The following MAMDC4 variants were observed in gnomAD, a reference collection of about 807,000 sequenced individuals.
The protein encoded by MAMDC4 is MAM domain containing 4.
In MAMDC4, 168 loss-of-function variants were observed where a neutral mutation model predicts 153.3. The ratio of observed to expected loss-of-function variants is 1.10; its 90% CI spans 0.97 to 1.25. The LOEUF (loss-of-function observed/expected upper bound fraction) is 1.25. Among genes scored for constraint, MAMDC4 ranks in the 50% most tolerant of loss-of-function variants. MAMDC4 has a pLI of 0.00. For synonymous variants in MAMDC4, 744 were observed against 651.5 expected (o/e 1.14, Z -2.16); for missense variants, 1,701 against 1,542.8 (o/e 1.10, Z -1.72).
chr9:136,860,242 G>C (rs532565882), intron 26 of MAMDC4, among the ~76,000 whole-genome samples, 178 bp downstream of exon 26: 2 of 152,262 alleles, frequency 1.3e-5, no homozygotes, highest in East Asian at 1.9e-4. Flanking sequence ...CTCCTTGGCC[G>C]GGCGCGGTGG....
chr9:136,857,017 T>G lies in MAMDC4; in HGVS notation c.1948T>G (p.Tyr650Asp). Residue 650 changes from tyrosine to aspartate, a missense_variant, in exon 16 of 27, where the codon TAC becomes GAC. Transcript: ENST00000317446. ...AAPTECLSFW[Y>D]HLHGPQIGTL... Reference sequence around the variant, plus strand: ...ACCCACGGAGTGTCTCAGCTTCTGGTACCACCTCCATGGGCCCCAGATTGG... The same window carrying G: ...ACCCACGGAGTGTCTCAGCTTCTGGGACCACCTCCATGGGCCCCAGATTGG... 6.2e-7 allele frequency: 1 copy of G among 1,612,098 alleles called. No individual in the cohort carries two copies. The highest frequency in any genetic ancestry group is 8.5e-7 in the Non-Finnish European group (1 of 1,179,540).
At chr9:136,855,398 C>G in intron 11 of MAMDC4, 33 bp from the exon 12 acceptor site, 1 of 1,603,582 alleles carries the variant, frequency 6.2e-7, no homozygotes, top group Non-Finnish European at 8.5e-7. Flanking sequence ...CACTCCCCAT[C>G]CCTGCCTCCT....
intron 1 of MAMDC4, among the ~76,000 whole-genome samples, 178 bp downstream of exon 1, chr9:136,852,640 C>G (rs1478989554): frequency 6.6e-6 from 1 of 152,212 alleles, no homozygotes; most frequent in Admixed American, 6.5e-5. Context: ...CCCATGGGGT[C>G]CTCGGGCCTG....
At position 136,860,668 on chromosome 9, in the gene MAMDC4, G is replaced by A. The variant is rs1849078525; in HGVS notation, c.*65G>A. ...AGCACTTGGTCAGACCCTAGCCAGG[G>A]ACCGGACACCTGCCCCGCCCAGGCT... On this transcript the variant is annotated 3_prime_UTR_variant, in exon 27 of 27. Coordinates refer to ENST00000317446, the MANE Select transcript of MAMDC4 (RefSeq NM_206920.3). The A allele has an allele frequency of 5.0e-6, 8 of 1,585,666 alleles. No individual in the cohort carries two copies. The South Asian group carries it at 5.5e-5, about 11-fold the overall frequency.
chr9:136,853,021 G>GC, intron 1 of MAMDC4, 81 bp from the exon 2 acceptor site: 1 of 1,227,250 alleles, frequency 8.1e-7, no homozygotes, highest in Non-Finnish European at 1.2e-6. Flanking sequence ...GATGTCCAGT[G>GC]CTAAAACTGA....
In MAMDC4 at chr9:136,854,000, C is replaced by G; in HGVS notation, c.594C>G (p.Phe198Leu). Residue 198 changes from phenylalanine to leucine, a missense_variant, in exon 6 of 27, where the codon TTC becomes TTG. By Grantham distance (22) the Phe-to-Leu change is conservative (BLOSUM62 0). Coordinates refer to ENST00000317446, the MANE Select transcript of MAMDC4 (RefSeq NM_206920.3). ...GRIRGDFRVTFSATRNATHRG... is the reference protein window; with the variant it reads ...GRIRGDFRVTLSATRNATHRG... ...GAGCCTGTTCTCTTCAGGTGACCTT[C>G]TCTGCCACCCGAAATGCCACCCACA... 6.2e-7 allele frequency: 1 copy of G among 1,612,968 alleles called. No individual in the cohort carries two copies. Among genetic ancestry groups the G allele is most frequent in the Non-Finnish European group, 8.5e-7 (1 of 1,179,948 alleles).
At chr9:136,856,381 G>C in intron 14 of MAMDC4, 1 of 841,464 alleles carries the variant, frequency 1.2e-6, no homozygotes, top group Non-Finnish European at 2.1e-6. Flanking sequence ...GGCCCTTCCG[G>C]GTGAGGAGGG....
At chr9:136,852,863 T>C (rs1337560954) in intron 1 of MAMDC4, among the ~76,000 whole-genome samples, 1 of 152,108 alleles carries the variant, frequency 6.6e-6, no homozygotes, top group Non-Finnish European at 1.5e-5. Flanking sequence ...TTTCTTGGGG[T>C]GCCCCATGGC....
intron 7 of MAMDC4, 93 bp from the exon 8 acceptor site, chr9:136,854,446 G>T: frequency 1.3e-6 from 2 of 1,517,774 alleles, no homozygotes; most frequent in Non-Finnish European, 8.9e-7. Context: ...GGTCCTTCTT[G>T]GGGTGTGGTT....
rs994671501 is a variant in MAMDC4, at chr9:136,858,497, C to G, written c.2772C>G (p.Pro924=). Residue 924 remains proline (P), a synonymous_variant, in exon 22 of 27, where the codon CCC becomes CCG. Transcript: ENST00000317446. ...YSWDWGGGAT[P]SRYPQPPVDH... ...GGGACTGGGGCGGGGGAGCCACCCC[C>G]TCTCGTTACCCCCAGCCCCCTGTGG... The G allele has an allele frequency of 1.2e-6, 2 of 1,606,672 alleles. No homozygotes were observed. The highest frequency in any genetic ancestry group is 1.1e-5 in the South Asian group (1 of 90,488).
chr9:136,858,882 G>A, intron 23 of MAMDC4, 29 bp downstream of exon 23: 1 of 1,590,856 alleles, frequency 6.3e-7, no homozygotes, highest in Non-Finnish European at 8.6e-7. Context: ...ATGGGTGCCT[G>A]GGCAACGGGG....
Position 136,857,158 on chromosome 9 carries a change from C to G in MAMDC4, c.1973-7C>G. ...AGGTCAGTTATGGACTGGTCCCCTC[C>G]CTGCAGGGACTCTGCGCCTAGCCAT... On this transcript the variant is annotated splice_region_variant and splice_polypyrimidine_tract_variant and intron_variant, in intron 16 of 26. Transcript: ENST00000317446. 6.2e-7 allele frequency: 1 copy of G among 1,612,368 alleles called. No individual in the cohort carries two copies.
At chr9:136,856,469 G>A (rs553970749) in intron 14 of MAMDC4, 30 of 783,510 alleles carry the variant, frequency 3.8e-5, no homozygotes, top group South Asian at 2.8e-4. Flanking sequence ...TGAAGCTGGA[G>A]TTTGTCGGTT....
chr9:136,855,589 T>G lies in MAMDC4; in HGVS notation c.1441T>G (p.Cys481Gly). The G allele has an allele frequency of 6.3e-7, 1 of 1,588,618 alleles. No homozygotes were observed. Among genetic ancestry groups the G allele is most frequent in the Non-Finnish European group, 8.6e-7 (1 of 1,167,570 alleles). ...ACAACTGTGTGACTTCGAGGAGCAG[T>G]GCGCAGGGGGCGAGGACGAGCAGGC... ...PEQLCDFEEQ[C>G]AGGEDEQACG... is the part of the protein sequence containing the mutation. The change falls in exon 12 of 27, where the codon TGC (cysteine) becomes GGC (glycine). Residue 481 changes from cysteine to glycine, a missense_variant. Cys to Gly is a radical substitution (Grantham distance 159). Coordinates refer to ENST00000317446, the MANE Select transcript of MAMDC4 (RefSeq NM_206920.3).
At chr9:136,855,199 G>A (rs559397727) in intron 10 of MAMDC4, 55 bp from the exon 11 acceptor site, 5 of 1,579,696 alleles carry the variant, frequency 3.2e-6, no homozygotes, top group East Asian at 2.3e-5. Flanking sequence ...GGTGGACAGG[G>A]ACCAGACCCC....
At position 136,853,637 on chromosome 9, in the gene MAMDC4, A is replaced by G; in HGVS notation, c.421A>G (p.Lys141Glu). 1 of 1,611,914 alleles carries G rather than the reference A, an allele frequency of 6.2e-7. No individual in the cohort carries two copies. Among genetic ancestry groups the G allele is most frequent in the Non-Finnish European group, 8.5e-7 (1 of 1,179,606 alleles). ...CCTGCGAGAGGCAGCCTCCTCTTGC[A>G]AGCTGAGGCTCTGGTACCACGCGGC... Reference protein sequence around the residue: ...PTLREAASSCKLRLWYHAASG... With the variant: ...PTLREAASSCELRLWYHAASG... The change falls in exon 4 of 27, where the codon AAG (lysine) becomes GAG (glutamate). Residue 141 changes from lysine to glutamate, a missense_variant. Physicochemically the swap from Lys to Glu is moderately conservative, Grantham distance 56 (BLOSUM62 1). Transcript: ENST00000317446.
Position 136,853,477 on chromosome 9 carries a change from T to C in MAMDC4, c.328+19T>C. ...GACTTGGGTGAGGCCAGGGCAAGTCTCTGTGCGCCCCTGTCCCAATACCCT... is the reference window on the plus strand; with the variant it reads ...GACTTGGGTGAGGCCAGGGCAAGTCCCTGTGCGCCCCTGTCCCAATACCCT... On this transcript the variant is annotated intron_variant, in intron 3 of 26. Transcript: ENST00000317446. 6.2e-7 allele frequency: 1 copy of C among 1,607,924 alleles called. No individual in the cohort carries two copies.
rs773053377 is a variant in MAMDC4, at chr9:136,855,787, G to A, written c.1527G>A (p.Gly509=). The A allele has an allele frequency of 6.4e-7, 1 of 1,557,470 alleles. No individual in the cohort carries two copies. Among genetic ancestry groups the A allele is most frequent in the East Asian group, 2.4e-5 (1 of 42,412 alleles). Residue 509 remains glycine (G), a synonymous_variant, in exon 13 of 27, where the codon GGG becomes GGA. Coordinates refer to ENST00000317446, the MANE Select transcript of MAMDC4 (RefSeq NM_206920.3). The stretch of plus-strand genomic sequence containing the variant: ...GGGGCTGGGAGGACGCCAGCGTGGG[G>A]CGGCTGCAGTGGCGGCGTGTCTCAG... ...EAGGWEDASV[G]RLQWRRVSAQ... is the part of the protein sequence containing the mutation.
rs1248561178 is a variant in MAMDC4 at position 136,853,175 on chromosome 9, T to C, written c.120T>C (p.Cys40=). 1.2e-6 allele frequency: 2 copies of C among 1,612,710 alleles called. No individual in the cohort carries two copies. The highest frequency in any genetic ancestry group is 2.7e-5 in the African/African-American group (2 of 74,948). ...GCCAGGCCGTGTGCAACTTCGTGTG[T>C]GACTGCAGGGACTGCTCAGATGAGG... is the stretch of plus-strand genomic sequence containing the variant. ...SPGQAVCNFV[C]DCRDCSDEAQ... The change falls in exon 2 of 27, where the codon TGT becomes TGC. Residue 40 remains cysteine (C), a synonymous_variant. Transcript: ENST00000317446.
Sources: allele counts gnomAD v4.1 joint callset (sites outside exome capture counted in the v4.1 genomes callset), GRCh38; gene constraint gnomAD v4.1.1; transcripts MANE v1.5; gene names NCBI Gene and HGNC (gene_info 2026-07-23, HGNC 2026-07-21).